Variants in CSMD3 observed in about 807,000 individuals in gnomAD.
CSMD3 encodes CUB and sushi domain-containing protein 3.
CSMD3 carries 177 observed loss-of-function variants against 435.2 expected under a neutral mutation model. The ratio of observed to expected loss-of-function variants is 0.41; its 90% CI spans 0.36 to 0.46. The LOEUF is 0.46. CSMD3 is among the 20% of genes least tolerant of loss of function. The pLI is 0.34. For synonymous variants in CSMD3, 1,656 were observed against 1,520.5 expected (o/e 1.09, Z -2.07); for missense variants, 4,265 against 4,504.6 (o/e 0.95, Z 1.52).
chr8:113,356,606 C>G (rs2094230255), intron 1 of CSMD3, among the ~76,000 whole-genome samples: 1 of 151,982 alleles, frequency 6.6e-6, no homozygotes, highest in African/African-American at 2.4e-5. Context: ...AACTGATGAA[C>G]AAATTACATG....
At chr8:113,316,572 C>T (rs546621096) in intron 1 of CSMD3, among the ~76,000 whole-genome samples, 2 of 145,920 alleles carry the variant, frequency 1.4e-5, no homozygotes, top group Admixed American at 6.9e-5. Flanking sequence ...TTTTTTGAGA[C>T]GGAATCTTGC....
At chr8:112,867,517 G>T (rs2081017745) in intron 10 of CSMD3, among the ~76,000 whole-genome samples, 1 of 151,906 alleles carries the variant, frequency 6.6e-6, no homozygotes, top group Non-Finnish European at 1.5e-5. Flanking sequence ...AATCTAGATT[G>T]TGTAGCCTAC....
At chr8:112,333,775 G>T (rs1018314661) in intron 45 of CSMD3, among the ~76,000 whole-genome samples, 1 of 151,500 alleles carries the variant, frequency 6.6e-6, no homozygotes, top group Non-Finnish European at 1.5e-5. Context: ...TTCCTATAGG[G>T]TTATCTTGTG....
intron 13 of CSMD3, among the ~76,000 whole-genome samples, chr8:112,720,694 G>T (rs551102566): frequency 1.4e-4 from 21 of 152,096 alleles, no homozygotes; most frequent in Non-Finnish European, 2.9e-4. Flanking sequence ...AACTTCCAAC[G>T]TGCCAAGCAC....
At chr8:112,282,256 G>A (rs565211547) in intron 58 of CSMD3, among the ~76,000 whole-genome samples, 3 of 151,692 alleles carry the variant, frequency 2.0e-5, no homozygotes, top group East Asian at 1.9e-4. Flanking sequence ...GTGTGCATGC[G>A]CGTATGTGTG....
chr8:112,371,230 C>G (rs1316849069), intron 38 of CSMD3, among the ~76,000 whole-genome samples: 1 of 152,190 alleles, frequency 6.6e-6, no homozygotes, highest in Non-Finnish European at 1.5e-5. Flanking sequence ...TGAAGCAAGA[C>G]TCCTTGCTGG....
intron 49 of CSMD3, among the ~76,000 whole-genome samples, chr8:112,312,535 TG>T (rs1294588372): frequency 3.9e-5 from 6 of 152,068 alleles, no homozygotes; most frequent in Admixed American, 2.6e-4. Context: ...GGATTACAGG[TG>T]TGAGCCACCG....
intron 2 of CSMD3, among the ~76,000 whole-genome samples, chr8:113,299,029 TG>T (rs1299944318): frequency 6.6e-6 from 1 of 152,190 alleles, no homozygotes; most frequent in Non-Finnish European, 1.5e-5. Flanking sequence ...GTATTTCTTC[TG>T]GTAAAGAACT....
chr8:113,062,518 G>A (rs1168493599), intron 5 of CSMD3, among the ~76,000 whole-genome samples: 4 of 151,702 alleles, frequency 2.6e-5, no homozygotes, highest in Admixed American at 2.6e-4. Flanking sequence ...TGAAATTGTT[G>A]GTTTCTACAA....
chr8:113,053,180 T>C (rs181677638), intron 5 of CSMD3, among the ~76,000 whole-genome samples: 1 of 152,198 alleles, frequency 6.6e-6, no homozygotes, highest in East Asian at 1.9e-4. Context: ...AAAAAGAACA[T>C]CAAAGCAAAA....
chr8:112,534,276 GC>G (rs555940904), intron 27 of CSMD3, among the ~76,000 whole-genome samples: 286 of 152,116 alleles, frequency 1.9e-3, no homozygotes, highest in Middle Eastern at 6.8e-3. Context: ...TAGACCACTA[GC>G]AAGACTAATA....
chr8:112,503,916 G>T lies in CSMD3; in HGVS notation c.4957C>A (p.Pro1653Thr), dbSNP rs764686207. ...CTGTCTTGAAAACTTCCAATCAGTG[G>T]GCTATTACTGTCTGGTCCATCATAG... ...YIYDGPDSNSPLIGSFQDSKL... is the reference protein window; with the variant it reads ...YIYDGPDSNSTLIGSFQDSKL... The change falls in exon 30 of 71, where the codon CCA (proline) becomes ACA (threonine). Residue 1653 changes from proline (P) to threonine (T), a missense_variant. Coordinates refer to ENST00000297405, the MANE Select transcript of CSMD3 (RefSeq NM_198123.2). 28 of 1,611,612 alleles carry T rather than the reference G, an allele frequency of 1.7e-5. No homozygotes were observed. The highest frequency in any genetic ancestry group is 2.3e-5 in the Non-Finnish European group (27 of 1,178,484).
chr8:112,484,052 T>A (rs191766513), intron 31 of CSMD3, among the ~76,000 whole-genome samples: 1 of 152,174 alleles, frequency 6.6e-6, no homozygotes, highest in African/African-American at 2.4e-5. Flanking sequence ...AAGCCTGGGG[T>A]GAAATAAGAC....
intron 2 of CSMD3, among the ~76,000 whole-genome samples, chr8:113,283,817 T>C (rs1290309190): frequency 1.3e-5 from 2 of 152,072 alleles, no homozygotes; most frequent in Non-Finnish European, 2.9e-5. Flanking sequence ...TGTAAAATCA[T>C]GGAATCAACC....
chr8:113,403,209 A>T (rs532699827), intron 1 of CSMD3, among the ~76,000 whole-genome samples: 5 of 151,474 alleles, frequency 3.3e-5, no homozygotes, highest in Admixed American at 2.0e-4. Flanking sequence ...ACTGCTTCAT[A>T]TTACAAATAT....
intron 13 of CSMD3, among the ~76,000 whole-genome samples, chr8:112,748,456 T>C (rs956157219): frequency 6.6e-6 from 1 of 152,142 alleles, no homozygotes; most frequent in Admixed American, 6.6e-5. Flanking sequence ...TTAAGCTCAG[T>C]ACCCAATAGT....
chr8:112,407,144 T>A (rs553476153), intron 34 of CSMD3, among the ~76,000 whole-genome samples: 3 of 151,948 alleles, frequency 2.0e-5, no homozygotes, highest in African/African-American at 7.2e-5. Flanking sequence ...AGTATTTGGT[T>A]CTTAATTAAA....
intron 1 of CSMD3, among the ~76,000 whole-genome samples, chr8:113,328,387 G>A (rs866008644): frequency 3.4e-5 from 5 of 145,212 alleles, no homozygotes; most frequent in Non-Finnish European, 7.5e-5. Context: ...GCAGTGAGCC[G>A]AGATCCCGCC....
At chr8:112,883,936 T>G (rs953034254) in intron 10 of CSMD3, among the ~76,000 whole-genome samples, 6 of 151,910 alleles carry the variant, frequency 3.9e-5, no homozygotes, top group African/African-American at 1.4e-4. Flanking sequence ...TGGCAATGTT[T>G]GGGGCCAGAC....
Sources: gnomAD v4.1 joint callset for allele counts (sites outside exome capture counted in the v4.1 genomes callset) on GRCh38, gnomAD v4.1.1 for gene constraint, MANE v1.5 for transcripts, NCBI Gene and HGNC (gene_info 2026-07-23, HGNC 2026-07-21) for gene names.